SPIDR: variants seen among roughly 807,000 people sequenced by gnomAD.
SPIDR encodes scaffold protein involved in DNA repair.
Under a neutral mutation model 104.6 loss-of-function variants are expected in SPIDR, and 93 were observed. The ratio of observed to expected loss-of-function variants is 0.89; its 90% CI spans 0.75 to 1.06. The LOEUF (loss-of-function observed/expected upper bound fraction) is 1.06, where lower values mean the gene tolerates loss of function less well. Ranked by LOEUF, SPIDR falls within the 50% of genes least tolerant of loss-of-function variation. The pLI is 0.00. For synonymous variants in SPIDR, 431 were observed against 416.9 expected (o/e 1.03, Z -0.41); for missense variants, 1,154 against 1,111.2 (o/e 1.04, Z -0.55).
intron 5 of SPIDR, among the ~76,000 whole-genome samples, chr8:47,356,787 A>T (rs1014978433): frequency 1.3e-5 from 2 of 152,208 alleles, no homozygotes; most frequent in Non-Finnish European, 2.9e-5. Context: ...CAGTATGAAC[A>T]TAAAGTCCTA....
chr8:47,683,231 C>T (rs2077315998), intron 11 of SPIDR, among the ~76,000 whole-genome samples: 1 of 152,354 alleles, frequency 6.6e-6, no homozygotes, highest in South Asian at 2.1e-4. Flanking sequence ...GATAAAAGTT[C>T]TGCTTTGACT....
intron 5 of SPIDR, among the ~76,000 whole-genome samples, chr8:47,320,391 A>C (rs561950993): frequency 6.6e-6 from 1 of 152,314 alleles, no homozygotes; most frequent in South Asian, 2.1e-4. Flanking sequence ...TCCCAAGACT[A>C]AACCAGAAAG....
At chr8:47,451,768 A>G (rs778656332) in intron 8 of SPIDR, among the ~76,000 whole-genome samples, 1 of 152,184 alleles carries the variant, frequency 6.6e-6, no homozygotes, top group Non-Finnish European at 1.5e-5. Flanking sequence ...CCTGTGTATT[A>G]TAGGAGTACC....
At chr8:47,561,522 T>C (rs2057077322) in intron 8 of SPIDR, among the ~76,000 whole-genome samples, 1 of 152,252 alleles carries the variant, frequency 6.6e-6, no homozygotes. Flanking sequence ...GCTACTTCTC[T>C]GCTGAGATTG....
chr8:47,629,542 C>G (rs1183968283), intron 10 of SPIDR, among the ~76,000 whole-genome samples: 1 of 152,194 alleles, frequency 6.6e-6, no homozygotes, highest in Non-Finnish European at 1.5e-5. Flanking sequence ...CACCTGAGGT[C>G]AGGAGTTCGA....
chr8:47,361,049 A>G, intron 5 of SPIDR: 1 of 902,786 alleles, frequency 1.1e-6, no homozygotes, highest in Non-Finnish European at 1.3e-6. Context: ...AAAAATGTTC[A>G]ACTGATAAAT....
intron 8 of SPIDR, among the ~76,000 whole-genome samples, chr8:47,460,468 T>TA (rs2073757954): frequency 6.6e-6 from 1 of 152,210 alleles, no homozygotes; most frequent in South Asian, 2.1e-4. Context: ...TTGTCTGTTA[T>TA]AAAAATAGCT....
intron 4 of SPIDR, among the ~76,000 whole-genome samples, chr8:47,291,977 A>G (rs1270994935): frequency 1.3e-5 from 2 of 152,138 alleles, no homozygotes; most frequent in African/African-American, 2.4e-5. Context: ...CCTGTAGGAT[A>G]TTCTGCCGTG....
intron 3 of SPIDR, among the ~76,000 whole-genome samples, chr8:47,287,906 A>G: frequency 6.6e-6 from 1 of 152,336 alleles, no homozygotes; most frequent in African/African-American, 2.4e-5. Context: ...AGAAATTATA[A>G]AAGTATTATT....
rs370091697 is a variant in SPIDR, at chr8:47,482,806, T to C, written c.1097+42264T>C. 3.9e-5 allele frequency among the ~76,000 whole-genome samples: 6 copies of C among 152,164 alleles called. No homozygotes were observed. The East Asian group carries it at 9.6e-4, about 24-fold the overall frequency. Reference sequence around the variant, plus strand: ...TGATGCCCCCTCCCCACCTGAGTCCTCATGGGCAGCTGTGTTTTGTTTTTT... The same window carrying C: ...TGATGCCCCCTCCCCACCTGAGTCCCCATGGGCAGCTGTGTTTTGTTTTTT... On this transcript the variant is annotated intron_variant, in intron 8 of 19. Transcript: ENST00000297423.
At chr8:47,309,387 T>C (rs2043707432) in intron 5 of SPIDR, among the ~76,000 whole-genome samples, 2 of 152,234 alleles carry the variant, frequency 1.3e-5, no homozygotes, top group Non-Finnish European at 2.9e-5. Flanking sequence ...ATCTGTTCAT[T>C]ATCTTAGTAT....
chr8:47,729,573 C>T (rs2084876890), intron 19 of SPIDR, 108 bp downstream of exon 19: 5 of 1,282,652 alleles, frequency 3.9e-6, no homozygotes, highest in African/African-American at 1.5e-5. Context: ...TACAACCCAT[C>T]CCACTAGGAA....
At chr8:47,277,100 G>C (rs2036588085) in intron 1 of SPIDR, 1 of 151,406 alleles carries the variant, frequency 6.6e-6, no homozygotes, top group Admixed American at 6.6e-5. Flanking sequence ...GGCTAATTTT[G>C]TATTTTTAGT....
At chr8:47,549,346 C>T (rs897737083) in intron 8 of SPIDR, among the ~76,000 whole-genome samples, 15 of 152,336 alleles carry the variant, frequency 9.8e-5, no homozygotes, top group South Asian at 6.2e-4. Context: ...AGTCGTCACA[C>T]TCTCTTCCAC....
intron 11 of SPIDR, among the ~76,000 whole-genome samples, chr8:47,695,536 G>A (rs1202024770): frequency 6.6e-6 from 1 of 152,184 alleles, no homozygotes; most frequent in Non-Finnish European, 1.5e-5. Context: ...AGTGGTTCAG[G>A]CAGTTTTAAA....
chr8:47,494,185 T>C (rs1320426953), intron 8 of SPIDR, among the ~76,000 whole-genome samples: 2 of 151,802 alleles, frequency 1.3e-5, no homozygotes, highest in Non-Finnish European at 2.9e-5. Context: ...AATGGGGGTG[T>C]CTATGTTGCC....
intron 8 of SPIDR, among the ~76,000 whole-genome samples, chr8:47,520,605 T>C (rs965829210): frequency 1.3e-5 from 2 of 152,180 alleles, no homozygotes; most frequent in African/African-American, 2.4e-5. Flanking sequence ...AACTTATTCC[T>C]TTCAAAAAAG....
At chr8:47,290,135 G>A (rs1201028169) in intron 3 of SPIDR, among the ~76,000 whole-genome samples, 3 of 152,102 alleles carry the variant, frequency 2.0e-5, no homozygotes, top group Non-Finnish European at 2.9e-5. Flanking sequence ...TGCCTCCTGG[G>A]TTCAAGCGAT....
chr8:47,346,621 A>T (rs984501228), intron 5 of SPIDR, among the ~76,000 whole-genome samples: 1 of 152,016 alleles, frequency 6.6e-6, no homozygotes, highest in Non-Finnish European at 1.5e-5. Flanking sequence ...TTGGTAGGCT[A>T]TTGTCTCAAT....
Sources: allele counts gnomAD v4.1 joint callset (sites outside exome capture counted in the v4.1 genomes callset), GRCh38; gene constraint gnomAD v4.1.1; transcripts MANE v1.5; gene names NCBI Gene and HGNC (gene_info 2026-07-23, HGNC 2026-07-21).